Variants in TSBP1 observed in about 807,000 individuals in gnomAD.
TSBP1 encodes the protein testis-expressed basic protein 1.
In TSBP1, 56 loss-of-function variants were observed where a neutral mutation model predicts 68.8. The ratio of observed to expected loss-of-function variants is 0.81; its 90% CI spans 0.66 to 1.02. The LOEUF (loss-of-function observed/expected upper bound fraction) is 1.02, where lower values mean the gene tolerates loss of function less well. TSBP1 is among the 50% of genes least tolerant of loss of function. The pLI is 0.00. For missense variants in TSBP1, 502 were observed against 641.2 expected (o/e 0.78, Z 2.34); for synonymous variants, 171 against 208.7 (o/e 0.82, Z 1.56).
chr6:32,359,660 A>AT (rs1210140946), intron 6 of TSBP1, among the ~76,000 whole-genome samples: 1 of 151,882 alleles, frequency 6.6e-6, no homozygotes, highest in African/African-American at 2.4e-5. Context: ...ATTAGATCCC[A>AT]TTTGTCCATT....
Position 32,361,824 on chromosome 6 carries a change from G to A in TSBP1, c.217+4343C>T, listed in dbSNP as rs1482507797. Among the ~76,000 whole-genome samples, 1 of 152,092 alleles carries A rather than the reference G, an allele frequency of 6.6e-6. No individual in the cohort carries two copies. Among genetic ancestry groups the A allele is most frequent in the Non-Finnish European group, 1.5e-5 (1 of 68,018 alleles). The stretch of plus-strand genomic sequence containing the variant: ...TTCCTTATATATTTTGGATATTACT[G>A]TGGTTTTAATGTCCTCTCCGAAACT... On this transcript the variant is annotated intron_variant, in intron 6 of 22. Coordinates refer to ENST00000612031, the Ensembl canonical transcript of TSBP1. This position sits in a 1 kb window ranked among gnomAD's most constrained non-coding sequence, Gnocchi z 4.3.
At chr6:32,360,208 G>A (rs1031835431) in intron 6 of TSBP1, among the ~76,000 whole-genome samples, 1 of 151,684 alleles carries the variant, frequency 6.6e-6, no homozygotes, top group African/African-American at 2.4e-5. Flanking sequence ...CTAACTTCTG[G>A]TAATCACCTT....
rs774713461 is a variant in TSBP1 at position 32,293,934 on chromosome 6, C to A, written c.739G>T (p.Glu247Ter). ...TTCTTTAGTGCTTCCTTGTTTTCTT[C>A]TCGGCTATTCTGAGACCTTGCAGTG... The change falls in exon 23 of 23, where the codon GAA becomes TAA. Residue 247 changes from glutamate to a stop codon, truncating the protein, a stop_gained. Transcript: ENST00000612031. LOFTEE classifies it low-confidence loss of function (END_TRUNC). The A allele has an allele frequency of 1.9e-5, 31 of 1,612,374 alleles. No individual in the cohort carries two copies. The highest frequency in any genetic ancestry group is 2.7e-5 in the African/African-American group (2 of 74,822).
At chr6:32,298,952 C>G (rs967411388) in intron 22 of TSBP1, among the ~76,000 whole-genome samples, 1 of 152,154 alleles carries the variant, frequency 6.6e-6, no homozygotes, top group African/African-American at 2.4e-5. Context: ...TAAATGCGGT[C>G]TTCTATTTTT....
At chr6:32,319,829 A>T (rs981223807) in intron 18 of TSBP1, among the ~76,000 whole-genome samples, 5 of 151,958 alleles carry the variant, frequency 3.3e-5, no homozygotes, top group African/African-American at 1.2e-4. Flanking sequence ...GCTCATGGCT[A>T]TATTTTCAGT....
In TSBP1 at chr6:32,365,418, A is replaced by G. The variant is rs3129923; in HGVS notation, c.217+749T>C. 246,954 of 456,828 alleles carry G rather than the reference A, an allele frequency of 0.54. 69,516 individuals are homozygous for G. Among genetic ancestry groups the G allele is most frequent in the Middle Eastern group, 0.64 (1,965 of 3,074 alleles). 28.3% of individuals were successfully genotyped at this position (456,828 alleles called of 1,614,324 possible). On this transcript the variant is annotated intron_variant, in intron 6 of 22. Transcript: ENST00000612031. The surrounding 1 kb of genome is among the most constrained non-coding windows in gnomAD (Gnocchi z 4.3). ...TGGGAGAGTGAAATGTGTGAAAGGCATGCCTGTGGGTCAGTAGTGCAAGGA... is the reference window on the plus strand; with the variant it reads ...TGGGAGAGTGAAATGTGTGAAAGGCGTGCCTGTGGGTCAGTAGTGCAAGGA...
At chr6:32,350,833 G>A (rs3117119) in intron 8 of TSBP1, among the ~76,000 whole-genome samples, 126,533 of 152,134 alleles carry the variant, frequency 0.83, 52,741 homozygotes, top group South Asian at 0.92. Context: ...CTACAGTGGA[G>A]GAAGGGCAGA....
rs981668921 is a variant in TSBP1, at chr6:32,369,791, A to G, written c.100+106T>C. 51 of 809,962 alleles carry G rather than the reference A, an allele frequency of 6.3e-5. No individual in the cohort carries two copies. In the Admixed American group the frequency reaches 7.1e-4, roughly 11 times the overall value. The allele number at this position is 809,962 out of a possible 1,614,324, so 50.2% of individuals were successfully genotyped here. A position where few individuals can be genotyped will look rare whatever the true frequency, so the allele number is the denominator to read the frequency against. On this transcript the variant is annotated intron_variant, in intron 2 of 22. Coordinates refer to ENST00000612031, the Ensembl canonical transcript of TSBP1. ...TGAAACAGATTCCCAGAATATTGGC[A>G]AAGTCTCTAGCTGTTTGATGAGTGA... is the stretch of plus-strand genomic sequence containing the variant.
Position 32,302,109 on chromosome 6 carries a change from T to C in TSBP1, c.601+500A>G, listed in dbSNP as rs1284089702. Among the ~76,000 whole-genome samples the C allele has an allele frequency of 6.6e-6, 1 of 152,062 alleles. No individual in the cohort carries two copies. Among genetic ancestry groups the C allele is most frequent in the Non-Finnish European group, 1.5e-5 (1 of 67,998 alleles). ...ATATTGTCTATGACTGTTTTTGTGCTACAACAGCAGGGTTGAGTAGTTGTG... is the reference window on the plus strand; with the variant it reads ...ATATTGTCTATGACTGTTTTTGTGCCACAACAGCAGGGTTGAGTAGTTGTG... On this transcript the variant is annotated intron_variant, in intron 20 of 22. Coordinates refer to ENST00000612031, the Ensembl canonical transcript of TSBP1. The surrounding 1 kb of genome is among the most constrained non-coding windows in gnomAD (Gnocchi z 5.1).
rs1215333068 is a variant in TSBP1 at position 32,315,802 on chromosome 6, A to G, written c.560-10T>C. 1.3e-6 allele frequency: 2 copies of G among 1,483,700 alleles called. No individual in the cohort carries two copies. The highest frequency in any genetic ancestry group is 1.8e-6 in the Non-Finnish European group (2 of 1,100,286). The allele number at this position is 1,483,700 out of a possible 1,614,324, so 91.9% of individuals were successfully genotyped here. On this transcript the variant is annotated splice_polypyrimidine_tract_variant and intron_variant, in intron 18 of 22. Transcript: ENST00000612031. This position sits in a 1 kb window ranked among gnomAD's most constrained non-coding sequence, Gnocchi z 5.4. ...GTTCTCTGCGAAATTACTAAAAAAT[A>G]AGCAAAAAGAAATCCATTTAATTTT... is the stretch of plus-strand genomic sequence containing the variant.
intron 8 of TSBP1, 83 bp from the exon 9 acceptor site, chr6:32,349,843 A>T: frequency 6.6e-7 from 1 of 1,506,972 alleles, no homozygotes; most frequent in East Asian, 2.3e-5. Flanking sequence ...TATTGCAGAA[A>T]GGTTGTGGAA....
At chr6:32,310,251 A>AGT (rs9279576) in intron 19 of TSBP1, among the ~76,000 whole-genome samples, 5,999 of 151,492 alleles carry the variant, frequency 0.04, 337 homozygotes, top group African/African-American at 0.12. Flanking sequence ...GGCACATGTA[A>AGT]GTGTGTGTGT....
rs1412735477 is a variant in TSBP1 at position 32,337,031 on chromosome 6, CAGTT to C, written c.410-400_410-397del. Among the ~76,000 whole-genome samples, 7 of 152,128 alleles carry C rather than the reference CAGTT, an allele frequency of 4.6e-5. No individual in the cohort carries two copies. The East Asian group carries it at 7.7e-4, about 17-fold the overall frequency. Reference sequence around the variant, plus strand: ...AATCCTGCAGGGGTAGAAATGGTAACAGTTAGGATGTGGAGAGGACCCTATATCC... The same window carrying C: ...AATCCTGCAGGGGTAGAAATGGTAACAGGATGTGGAGAGGACCCTATATCC... On this transcript the variant is annotated intron_variant, in intron 11 of 22. Coordinates refer to ENST00000612031, the Ensembl canonical transcript of TSBP1. The surrounding 1 kb of genome is among the most constrained non-coding windows in gnomAD (Gnocchi z 5.5).
chr6:32,318,261 A>G (rs902054410), intron 18 of TSBP1, among the ~76,000 whole-genome samples: 2 of 152,194 alleles, frequency 1.3e-5, no homozygotes, highest in African/African-American at 2.4e-5. Context: ...GAACACATGG[A>G]CACAGAAGGA....
At chr6:32,324,410 C>T in intron 16 of TSBP1, 1 of 674,238 alleles carries the variant, frequency 1.5e-6, no homozygotes, top group Non-Finnish European at 2.7e-6. Context: ...TTTCTCTGCT[C>T]TGACTTATCT....
In TSBP1 at chr6:32,357,628, T is replaced by C. The variant is rs1583161023; in HGVS notation, c.218-1959A>G. ...AGGTAGGAGGCAAGAGATATTGGTG[T>C]TTGGGCAAGGATTGTCATGGTGGTG... On this transcript the variant is annotated intron_variant, in intron 6 of 22. Transcript: ENST00000612031. The surrounding 1 kb of genome is among the most constrained non-coding windows in gnomAD (Gnocchi z 4.7). 1.3e-5 allele frequency among the ~76,000 whole-genome samples: 2 copies of C among 152,124 alleles called. No homozygotes were observed. Among genetic ancestry groups the C allele is most frequent in the East Asian group, 3.9e-4 (2 of 5,180 alleles).
Position 32,338,909 on chromosome 6 carries a change from G to T in TSBP1, c.409+70C>A. 1 of 1,137,654 alleles carries T rather than the reference G, an allele frequency of 8.8e-7. No individual in the cohort carries two copies. Among genetic ancestry groups the T allele is most frequent in the Non-Finnish European group, 1.3e-6 (1 of 747,188 alleles). The allele number at this position is 1,137,654 out of a possible 1,614,324, so 70.5% of individuals were successfully genotyped here. Reference sequence around the variant, plus strand: ...GAAATAAAAAAATCTAGGAATATGAGTGTCTTACATATTCTAACAGTTTAG... The same window carrying T: ...GAAATAAAAAAATCTAGGAATATGATTGTCTTACATATTCTAACAGTTTAG... On this transcript the variant is annotated intron_variant, in intron 11 of 22. Coordinates refer to ENST00000612031, the Ensembl canonical transcript of TSBP1. This position sits in a 1 kb window ranked among gnomAD's most constrained non-coding sequence, Gnocchi z 5.5.
At chr6:32,322,530 C>A in intron 18 of TSBP1, 24 bp from the exon 20 acceptor site, 2 of 1,569,836 alleles carry the variant, frequency 1.3e-6, no homozygotes, top group South Asian at 2.2e-5. Context: ...AAACAGAAAT[C>A]CATTTAATTT....
At chr6:32,370,077 C>CTT (rs9281764) in intron 1 of TSBP1, 94 bp from the exon 2 acceptor site, 14 of 749,796 alleles carry the variant, frequency 1.9e-5, no homozygotes, top group Admixed American at 4.2e-5. Flanking sequence ...ACCAGATAGA[C>CTT]TTTTTTTCTT....
Sources: allele counts gnomAD v4.1 joint callset (sites outside exome capture counted in the v4.1 genomes callset), GRCh38; gene constraint gnomAD v4.1.1; non-coding constraint Gnocchi (gnomAD v3.1); transcripts MANE v1.5; gene names NCBI Gene and HGNC (gene_info 2026-07-23, HGNC 2026-07-21).